The following ADCK2 variants were observed in gnomAD, a reference collection of about 807,000 sequenced individuals.
The protein encoded by ADCK2 is uncharacterized aarF domain-containing protein kinase 2.
ADCK2 carries 37 observed loss-of-function variants against 52.3 expected under a neutral mutation model. The ratio of observed to expected loss-of-function variants is 0.71; its 90% CI spans 0.54 to 0.93. The LOEUF (loss-of-function observed/expected upper bound fraction) is 0.93, where lower values mean the gene tolerates loss of function less well. ADCK2 is among the 40% of genes least tolerant of loss of function. The pLI, the probability that ADCK2 is intolerant of heterozygous loss-of-function variation, is 0.00. For missense variants in ADCK2, 695 were observed against 798.7 expected (o/e 0.87, Z 1.56); for synonymous variants, 321 against 349.2 (o/e 0.92, Z 0.90).
chr7:140,690,343 C>G (rs916103508), intron 6 of ADCK2, among the ~76,000 whole-genome samples: 1 of 152,114 alleles, frequency 6.6e-6, no homozygotes, highest in Non-Finnish European at 1.5e-5. Context: ...GCTGGGATTA[C>G]AGGCACCCGC....
chr7:140,690,060 C>T (rs1794677711), intron 6 of ADCK2, among the ~76,000 whole-genome samples: 1 of 152,174 alleles, frequency 6.6e-6, no homozygotes, highest in African/African-American at 2.4e-5. Flanking sequence ...TAAACCCAAG[C>T]CAGAGCCTGC....
chr7:140,673,882 CT>C lies in ADCK2; in HGVS notation c.554del (p.Phe185SerfsTer66). On this transcript the variant is annotated frameshift_variant, in exon 1 of 8. Coordinates refer to ENST00000072869, the MANE Select transcript of ADCK2 (RefSeq NM_052853.4). LOFTEE classifies it high-confidence loss of function. The surrounding 1 kb of genome is among the most constrained non-coding windows in gnomAD (Gnocchi z 6.4). ...TPHPWTHTER[F>X]LRQAFGDDWG... is the part of the protein sequence containing the mutation. ...CCCACCCGTGGACTCACACTGAGCG[CT>C]TCCTTCGGCAGGCTTTTGGGGATGA... is the stretch of plus-strand genomic sequence containing the variant. The C allele has an allele frequency of 6.2e-7, 1 of 1,614,050 alleles. No homozygotes were observed. The highest frequency in any genetic ancestry group is 8.5e-7 in the Non-Finnish European group (1 of 1,180,050).
chr7:140,686,683 G>T (rs1159444583), intron 4 of ADCK2, among the ~76,000 whole-genome samples: 2 of 152,150 alleles, frequency 1.3e-5, no homozygotes, highest in Non-Finnish European at 2.9e-5. Flanking sequence ...GGGCTCAAGT[G>T]ACCCTCCTTC....
At chr7:140,677,147 C>T (rs907330394) in intron 2 of ADCK2, among the ~76,000 whole-genome samples, 7 of 152,170 alleles carry the variant, frequency 4.6e-5, no homozygotes, top group Non-Finnish European at 1.0e-4. Flanking sequence ...GTGGCTCACA[C>T]CTGTAGTCCT....
chr7:140,673,496 G>T lies in ADCK2; in HGVS notation c.166G>T (p.Asp56Tyr). The part of the protein sequence containing the change: ...TLPKVVSLCG[D>Y]VGEGAPDVLS... ...GCCCAAGGTCGTCTCCCTGTGCGGG[G>T]ACGTGGGTGAGGGGGCCCCTGACGT... The change falls in exon 1 of 8, where the codon GAC becomes TAC. Residue 56 changes from aspartate (D) to tyrosine (Y), a missense_variant. By Grantham distance (160) the Asp-to-Tyr change is radical (BLOSUM62 -3). Coordinates refer to ENST00000072869, the MANE Select transcript of ADCK2 (RefSeq NM_052853.4). The surrounding 1 kb of genome is among the most constrained non-coding windows in gnomAD (Gnocchi z 6.4). 2 of 1,604,592 alleles carry T rather than the reference G, an allele frequency of 1.2e-6. No homozygotes were observed. Among genetic ancestry groups the T allele is most frequent in the Admixed American group, 3.4e-5 (2 of 59,356 alleles).
intron 2 of ADCK2, among the ~76,000 whole-genome samples, chr7:140,676,314 C>T: frequency 6.6e-6 from 1 of 152,166 alleles, no homozygotes; most frequent in Non-Finnish European, 1.5e-5. Flanking sequence ...CTAAAGGCCC[C>T]ATCTCCTAAT....
chr7:140,689,809 C>G, intron 6 of ADCK2, 84 bp downstream of exon 6: 2 of 1,357,964 alleles, frequency 1.5e-6, no homozygotes, highest in Non-Finnish European at 1.9e-6. Context: ...AGGGAGACCT[C>G]TTTATGAGGG....
intron 4 of ADCK2, among the ~76,000 whole-genome samples, chr7:140,682,826 CAAAAA>C (rs397889908): frequency 1.5e-5 from 1 of 65,174 alleles, no homozygotes; most frequent in Non-Finnish European, 3.6e-5. Context: ...CCTGTCACTA[CAAAAA>C]AAAAAAAAAA....
At chr7:140,677,752 T>A (rs538616934) in intron 2 of ADCK2, among the ~76,000 whole-genome samples, 6 of 152,318 alleles carry the variant, frequency 3.9e-5, no homozygotes, top group Middle Eastern at 3.4e-3. Flanking sequence ...CTCAGCATGG[T>A]TCATCAGGGC....
rs1332660715 is a variant in ADCK2, at chr7:140,694,824, G to A, written c.*21G>A. The A allele has an allele frequency of 1.9e-6, 3 of 1,603,304 alleles. No homozygotes were observed. Among genetic ancestry groups the A allele is most frequent in the Non-Finnish European group, 2.6e-6 (3 of 1,174,630 alleles). On this transcript the variant is annotated 3_prime_UTR_variant, in exon 8 of 8. Transcript: ENST00000072869. ...CGTGATGGGGCAGTGGCCTCTGTGG[G>A]CCCTTGTCAAGAGCTGGAGGCCACT...
chr7:140,676,312 CCCATCTCCTAATA>C (rs1794415415), intron 2 of ADCK2, among the ~76,000 whole-genome samples: 1 of 152,130 alleles, frequency 6.6e-6, no homozygotes, highest in Non-Finnish European at 1.5e-5. Flanking sequence ...TCCTAAAGGC[CCCATCTCCTAATA>C]CCATCACCTT....
At chr7:140,689,568 C>T (rs905052422) in intron 5 of ADCK2, 29 bp from the exon 6 acceptor site, 2 of 1,575,446 alleles carry the variant, frequency 1.3e-6, no homozygotes. Context: ...TAGCTCCACT[C>T]CAAGTCCCTT....
At chr7:140,692,161 T>C (rs1794719170) in intron 7 of ADCK2, among the ~76,000 whole-genome samples, 1 of 152,206 alleles carries the variant, frequency 6.6e-6, no homozygotes, top group Non-Finnish European at 1.5e-5. Flanking sequence ...TTGGCAGAGC[T>C]GAAACTCTAC....
chr7:140,680,932 G>C (rs1794504383), intron 3 of ADCK2, 110 bp from the exon 4 acceptor site: 1 of 898,634 alleles, frequency 1.1e-6, no homozygotes. Context: ...AATACTCTTT[G>C]GGTTACTTCC....
At chr7:140,675,931 T>G (rs1794405731) in intron 2 of ADCK2, among the ~76,000 whole-genome samples, 1 of 152,134 alleles carries the variant, frequency 6.6e-6, no homozygotes. Flanking sequence ...GTTGGCTCCT[T>G]GTTGGGTAGT....
rs1046658778 is a variant in ADCK2 at position 140,693,855 on chromosome 7, G to A, written c.1741-808G>A. Among the ~76,000 whole-genome samples, 7 of 152,056 alleles carry A rather than the reference G, an allele frequency of 4.6e-5. No individual in the cohort carries two copies. The highest frequency in any genetic ancestry group is 7.4e-5 in the Non-Finnish European group (5 of 68,012). ...CTCCCGAGTAGCTGAGACCACAGGC[G>A]CCTGCCACCATGCCCGGCTGATTTT... On this transcript the variant is annotated intron_variant, in intron 7 of 7. Transcript: ENST00000072869. The surrounding 1 kb of genome is among the most constrained non-coding windows in gnomAD (Gnocchi z 4.0).
rs548787668 is a variant in ADCK2, at chr7:140,690,987, G to A, written c.1740+174G>A. ...GTCGCCCAGGGTGGAGTGCAGTGGC[G>A]CGATCTCGGCTGACTGCAGCCTCTG... On this transcript the variant is annotated intron_variant, in intron 7 of 7. Transcript: ENST00000072869. Among the ~76,000 whole-genome samples, 28 of 152,062 alleles carry A rather than the reference G, an allele frequency of 1.8e-4. 3 individuals are homozygous for A. The South Asian group carries it at 3.3e-3, about 18-fold the overall frequency.
intron 2 of ADCK2, among the ~76,000 whole-genome samples, chr7:140,676,986 G>A (rs912325173): frequency 2.0e-5 from 3 of 151,996 alleles, no homozygotes; most frequent in Admixed American, 2.0e-4. Context: ...TCACACCACC[G>A]CACTCCAGCC....
rs1327509378 is a variant in ADCK2 at position 140,694,842 on chromosome 7, A to C, written c.*39A>C. 3 of 1,583,098 alleles carry C rather than the reference A, an allele frequency of 1.9e-6. No individual in the cohort carries two copies. Among genetic ancestry groups the C allele is most frequent in the African/African-American group, 2.7e-5 (2 of 73,734 alleles). ...TCTGTGGGCCCTTGTCAAGAGCTGG[A>C]GGCCACTCCCAAGAGCCTCTCCTAT... is the stretch of plus-strand genomic sequence containing the variant. On this transcript the variant is annotated 3_prime_UTR_variant, in exon 8 of 8. Coordinates refer to ENST00000072869, the MANE Select transcript of ADCK2 (RefSeq NM_052853.4).
Sources: allele counts gnomAD v4.1 joint callset (sites outside exome capture counted in the v4.1 genomes callset), GRCh38; gene constraint gnomAD v4.1.1; non-coding constraint Gnocchi (gnomAD v3.1); transcripts MANE v1.5; gene names NCBI Gene and HGNC (gene_info 2026-07-23, HGNC 2026-07-21).